Variants in DACH2 observed in about 807,000 individuals in gnomAD.
The protein encoded by DACH2 is dachshund homolog 2.
A neutral mutation model predicts 35.8 loss-of-function variants in DACH2; 17 were observed. The observed-to-expected ratio is 0.48, with a 90% CI of 0.33 to 0.71. The LOEUF (loss-of-function observed/expected upper bound fraction) is 0.71. Among genes scored for constraint, DACH2 ranks in the 30% least tolerant of loss-of-function variants. The pLI, the probability that DACH2 is intolerant of heterozygous loss-of-function variation, is 0.02. For synonymous variants in DACH2, 195 were observed against 177.3 expected (o/e 1.10, Z -0.79); for missense variants, 469 against 472.7 (o/e 0.99, Z 0.07).
intron 1 of DACH2, among the ~76,000 whole-genome samples, chrX:86,209,321 G>A (rs1209385017): frequency 9.0e-6 from 1 of 111,535 alleles, no homozygotes; most frequent in Non-Finnish European, 1.9e-5. Context: ...AAAGGGAAAT[G>A]ATGAGCTTGG....
chrX:86,277,596 G>A (rs1276575743), intron 1 of DACH2, among the ~76,000 whole-genome samples: 7 of 112,370 alleles, frequency 6.2e-5, no homozygotes. Flanking sequence ...AGGCAGCAGA[G>A]ACAACTCGCA....
chrX:86,596,900 C>G (rs2039719893), intron 3 of DACH2, among the ~76,000 whole-genome samples: 1 of 110,729 alleles, frequency 9.0e-6, no homozygotes, highest in African/African-American at 3.3e-5. Context: ...TTTTTTTTCC[C>G]CATTGAGTGT....
At chrX:86,511,587 GA>G (rs2038397476) in intron 2 of DACH2, among the ~76,000 whole-genome samples, 1 of 111,477 alleles carries the variant, frequency 9.0e-6, no homozygotes, top group African/African-American at 3.3e-5. Flanking sequence ...ATATATCAAT[GA>G]AAAAATCAAA....
intron 1 of DACH2, among the ~76,000 whole-genome samples, chrX:86,317,116 C>A (rs867786903): frequency 6.3e-3 from 411 of 65,660 alleles, no homozygotes; most frequent in Middle Eastern, 0.018. Flanking sequence ...GACTCCATCT[C>A]AAAAAAAAAA....
At chrX:86,261,787 A>C (rs1410452097) in intron 1 of DACH2, among the ~76,000 whole-genome samples, 1 of 111,558 alleles carries the variant, frequency 9.0e-6, no homozygotes, top group Non-Finnish European at 1.9e-5. Context: ...CATTAATAAA[A>C]GTTAGCTTAT....
At chrX:86,538,716 C>A (rs1446687534) in intron 3 of DACH2, among the ~76,000 whole-genome samples, 1 of 111,087 alleles carries the variant, frequency 9.0e-6, no homozygotes, top group Non-Finnish European at 1.9e-5. Flanking sequence ...GTGGGTGGAG[C>A]TTTCATGACC....
At chrX:86,775,417 G>T (rs1202995529) in intron 7 of DACH2, among the ~76,000 whole-genome samples, 1 of 111,195 alleles carries the variant, frequency 9.0e-6, no homozygotes, top group African/African-American at 3.3e-5. Flanking sequence ...ATTCTCATAG[G>T]AGTGCAAGCC....
At chrX:86,455,861 G>A (rs1346366388) in intron 2 of DACH2, among the ~76,000 whole-genome samples, 6 of 112,142 alleles carry the variant, frequency 5.4e-5, no homozygotes, top group Admixed American at 4.7e-4. Context: ...TACAGATGGG[G>A]ATCCCAGGGC....
At chrX:86,516,076 G>A (rs2038462202) in intron 3 of DACH2, among the ~76,000 whole-genome samples, 3 of 111,755 alleles carry the variant, frequency 2.7e-5, no homozygotes, top group Non-Finnish European at 5.7e-5. Flanking sequence ...CAGAGAACTT[G>A]GGAAGACACT....
At chrX:86,612,482 T>G (rs1233185203) in intron 3 of DACH2, among the ~76,000 whole-genome samples, 1 of 111,399 alleles carries the variant, frequency 9.0e-6, no homozygotes. Context: ...CCAGAGCAAT[T>G]TAGCCTACAG....
intron 7 of DACH2, among the ~76,000 whole-genome samples, chrX:86,806,865 C>T (rs1313755613): frequency 8.9e-6 from 1 of 111,827 alleles, no homozygotes; most frequent in African/African-American, 3.3e-5. Flanking sequence ...CAGTGCTTCC[C>T]AACCAGTATT....
intron 1 of DACH2, among the ~76,000 whole-genome samples, chrX:86,254,702 AGAAAGG>A (rs2033467693): frequency 1.0e-5 from 1 of 98,821 alleles, no homozygotes; most frequent in Non-Finnish European, 2.0e-5. Context: ...AGCACTCATA[AGAAAGG>A]GAAAGGGAAA....
chrX:86,786,380 A>T (rs2042137632), intron 7 of DACH2, among the ~76,000 whole-genome samples: 1 of 108,750 alleles, frequency 9.2e-6, no homozygotes, highest in Admixed American at 9.7e-5. Context: ...TAATGATTAT[A>T]TCACAGTTGA....
chrX:86,742,884 T>C (rs1256038596), intron 7 of DACH2, among the ~76,000 whole-genome samples: 1 of 111,681 alleles, frequency 9.0e-6, no homozygotes, highest in Non-Finnish European at 1.9e-5. Flanking sequence ...ATGATGTTTA[T>C]CTGAAGATTG....
At chrX:86,554,636 CG>C (rs1457982707) in intron 3 of DACH2, among the ~76,000 whole-genome samples, 1 of 111,679 alleles carries the variant, frequency 9.0e-6, no homozygotes, top group Non-Finnish European at 1.9e-5. Context: ...GACTCTGTTA[CG>C]GCAATATGAT....
chrX:86,277,981 C>T (rs767973176), intron 1 of DACH2, among the ~76,000 whole-genome samples: 47 of 111,557 alleles, frequency 4.2e-4, no homozygotes, highest in African/African-American at 1.3e-3. Flanking sequence ...TGATGTGCGA[C>T]GAAAAGTGGA....
At chrX:86,480,585 C>T (rs1248369948) in intron 2 of DACH2, among the ~76,000 whole-genome samples, 1 of 112,117 alleles carries the variant, frequency 8.9e-6, no homozygotes. Context: ...GCTCAGAGTA[C>T]AGTATCAAGT....
At chrX:86,653,422 TC>T (rs1344044474) in intron 4 of DACH2, among the ~76,000 whole-genome samples, 1 of 111,102 alleles carries the variant, frequency 9.0e-6, no homozygotes, top group Non-Finnish European at 1.9e-5. Flanking sequence ...GCAGGGTGAC[TC>T]CCCATTCCCA....
intron 3 of DACH2, among the ~76,000 whole-genome samples, chrX:86,545,882 A>G (rs1399557404): frequency 8.9e-6 from 1 of 112,094 alleles, no homozygotes; most frequent in Non-Finnish European, 1.9e-5. Context: ...GGAAGAGATG[A>G]TAATCATAAG....
Sources: allele counts gnomAD v4.1 joint callset (sites outside exome capture counted in the v4.1 genomes callset), GRCh38; gene constraint gnomAD v4.1.1; transcripts MANE v1.5; gene names NCBI Gene and HGNC (gene_info 2026-07-23, HGNC 2026-07-21).